Variants in VAV2 observed in about 807,000 individuals in gnomAD.
VAV2 encodes the protein vav guanine nucleotide exchange factor 2.
A neutral mutation model predicts 132.5 loss-of-function variants in VAV2; 67 were observed. The ratio of observed to expected loss-of-function variants is 0.51; its 90% CI spans 0.42 to 0.62. VAV2 has a LOEUF of 0.62. Among genes scored for constraint, VAV2 ranks in the 20% least tolerant of loss-of-function variants. The probability of loss-of-function intolerance (pLI) is 0.00; values close to 1 mark genes in which losing one functional copy is unlikely to be tolerated. For missense variants in VAV2, 938 were observed against 1,153.6 expected (o/e 0.81, Z 2.71); for synonymous variants, 492 against 443.5 (o/e 1.11, Z -1.37).
chr9:133,989,901 C>G (rs1007189401), intron 1 of VAV2, among the ~76,000 whole-genome samples: 1 of 152,264 alleles, frequency 6.6e-6, no homozygotes, highest in African/African-American at 2.4e-5. Context: ...GCCCACCCTC[C>G]ACGGGACAGA....
At chr9:133,972,537 C>T (rs1471254721) in intron 1 of VAV2, among the ~76,000 whole-genome samples, 1 of 152,220 alleles carries the variant, frequency 6.6e-6, no homozygotes, top group Non-Finnish European at 1.5e-5. Flanking sequence ...AGCCGAGGGG[C>T]GGCCCGCCTC....
Position 133,826,077 on chromosome 9 carries a change from G to A in VAV2, c.449+8195C>T, listed in dbSNP as rs1835976700. The stretch of plus-strand genomic sequence containing the variant: ...GAAAATCACTTCAACTCCCAGGAAA[G>A]TGAAACCAGTGTTATGCAAAGCAGG... On this transcript the variant is annotated intron_variant, in intron 4 of 29. Coordinates refer to ENST00000371850, the MANE Select transcript of VAV2 (RefSeq NM_001134398.2). This position sits in a 1 kb window ranked among gnomAD's most constrained non-coding sequence, Gnocchi z 4.2. Among the ~76,000 whole-genome samples the A allele has an allele frequency of 6.6e-6, 1 of 152,218 alleles. No individual in the cohort carries two copies. Among genetic ancestry groups the A allele is most frequent in the Admixed American group, 6.5e-5 (1 of 15,290 alleles).
chr9:133,941,883 C>T (rs1056444108), intron 1 of VAV2, among the ~76,000 whole-genome samples: 39 of 152,184 alleles, frequency 2.6e-4, no homozygotes, highest in Admixed American at 1.8e-3. Flanking sequence ...GGATTACAGG[C>T]GTGAGCCACC....
intron 1 of VAV2, among the ~76,000 whole-genome samples, chr9:133,963,505 C>T (rs897068103): frequency 1.3e-5 from 2 of 152,140 alleles, no homozygotes; most frequent in African/African-American, 2.4e-5. Context: ...CCAGTCGTGC[C>T]GACAGGCAGC....
chr9:133,935,128 G>C lies in VAV2; in HGVS notation c.321+3975C>G, dbSNP rs1840857961. ...CCCGTCCTGGGCAGGCCAAGGGTGG[G>C]AGGAACAGGGGGAGGGCACGCAGCC... On this transcript the variant is annotated intron_variant, in intron 2 of 29. Coordinates refer to ENST00000371850, the MANE Select transcript of VAV2 (RefSeq NM_001134398.2). The surrounding 1 kb of genome is among the most constrained non-coding windows in gnomAD (Gnocchi z 5.2). 6.6e-6 allele frequency among the ~76,000 whole-genome samples: 1 copy of C among 152,158 alleles called. No individual in the cohort carries two copies. The highest frequency in any genetic ancestry group is 2.4e-5 in the African/African-American group (1 of 41,438).
At chr9:133,942,227 T>C (rs1222181909) in intron 1 of VAV2, among the ~76,000 whole-genome samples, 1 of 152,182 alleles carries the variant, frequency 6.6e-6, no homozygotes, top group Non-Finnish European at 1.5e-5. Context: ...GCATGTGAGA[T>C]GGGCCCCTTT....
chr9:133,951,870 C>A (rs887874031), intron 1 of VAV2, among the ~76,000 whole-genome samples: 1 of 152,152 alleles, frequency 6.6e-6, no homozygotes, highest in African/African-American at 2.4e-5. Flanking sequence ...ACAGCAAAAT[C>A]CCACAGCCCG....
At chr9:133,967,273 T>G (rs1024904796) in intron 1 of VAV2, among the ~76,000 whole-genome samples, 1 of 152,040 alleles carries the variant, frequency 6.6e-6, no homozygotes, top group African/African-American at 2.4e-5. Flanking sequence ...CTGGCAAGGA[T>G]GTGGAGAAAG....
intron 2 of VAV2, among the ~76,000 whole-genome samples, chr9:133,937,143 T>A (rs1310598880): frequency 1.3e-5 from 2 of 152,216 alleles, no homozygotes; most frequent in Admixed American, 6.5e-5. Flanking sequence ...TATTTTTCTC[T>A]TTACAGTTAT....
At chr9:133,845,912 C>T (rs901508287) in intron 3 of VAV2, among the ~76,000 whole-genome samples, 4 of 152,164 alleles carry the variant, frequency 2.6e-5, no homozygotes, top group Non-Finnish European at 5.9e-5. Context: ...TCAGGAGTCC[C>T]AGGACAGCCT....
At position 133,804,759 on chromosome 9, in the gene VAV2, T is replaced by A. The variant is rs148035658; in HGVS notation, c.836+1322A>T. On this transcript the variant is annotated intron_variant, in intron 9 of 29. Transcript: ENST00000371850. The surrounding 1 kb of genome is among the most constrained non-coding windows in gnomAD (Gnocchi z 4.5). ...CGGGCACTATCAGCTCACCCACAGA[T>A]GAAGGGAACACCTTGCTGAGGGCAG... Among the ~76,000 whole-genome samples the A allele has an allele frequency of 4.3e-4, 66 of 152,278 alleles. No homozygotes were observed. Among genetic ancestry groups the A allele is most frequent in the African/African-American group, 1.5e-3 (61 of 41,550 alleles).
At chr9:133,893,048 G>A (rs1380577426) in intron 2 of VAV2, among the ~76,000 whole-genome samples, 1 of 152,198 alleles carries the variant, frequency 6.6e-6, no homozygotes, top group Admixed American at 6.5e-5. Flanking sequence ...CCTTAGACAC[G>A]CAGTAAGGCG....
intron 25 of VAV2, among the ~76,000 whole-genome samples, chr9:133,773,478 T>C (rs1398621373): frequency 6.6e-6 from 1 of 152,226 alleles, no homozygotes; most frequent in Non-Finnish European, 1.5e-5. Flanking sequence ...ACTACATTTA[T>C]TTTTAAAACA....
chr9:133,967,029 T>C (rs1842162803), intron 1 of VAV2, among the ~76,000 whole-genome samples: 1 of 114,592 alleles, frequency 8.7e-6, no homozygotes, highest in East Asian at 2.4e-4. Flanking sequence ...AGCAAGACTT[T>C]GTCTCAAAAA....
At chr9:133,850,831 T>G (rs1837138476) in intron 3 of VAV2, among the ~76,000 whole-genome samples, 1 of 152,206 alleles carries the variant, frequency 6.6e-6, no homozygotes, top group African/African-American at 2.4e-5. Context: ...AACAGAGGGT[T>G]CTCTCATCTT....
intron 3 of VAV2, among the ~76,000 whole-genome samples, chr9:133,844,629 G>T (rs1284646528): frequency 6.6e-6 from 1 of 152,216 alleles, no homozygotes; most frequent in Non-Finnish European, 1.5e-5. Flanking sequence ...TGCAGACACA[G>T]GACAGGGATC....
rs938014429 is a variant in VAV2, at chr9:133,919,814, C to T, written c.321+19289G>A. 6.6e-6 allele frequency among the ~76,000 whole-genome samples: 1 copy of T among 152,026 alleles called. No homozygotes were observed. The highest frequency in any genetic ancestry group is 2.4e-5 in the African/African-American group (1 of 41,334). ...GGAAGATGGAAGGTCCCCGCTGCCC[C>T]GACTGTCCCTGCCGCCCCGGCCACC... On this transcript the variant is annotated intron_variant, in intron 2 of 29. Coordinates refer to ENST00000371850, the MANE Select transcript of VAV2 (RefSeq NM_001134398.2). This position sits in a 1 kb window ranked among gnomAD's most constrained non-coding sequence, Gnocchi z 5.8.
chr9:133,897,669 G>A (rs891415604), intron 2 of VAV2, among the ~76,000 whole-genome samples: 2 of 152,156 alleles, frequency 1.3e-5, no homozygotes, highest in Non-Finnish European at 2.9e-5. Context: ...TCCATTTCCA[G>A]ATCGTCCATG....
At chr9:133,948,257 C>T (rs1224157976) in intron 1 of VAV2, among the ~76,000 whole-genome samples, 3 of 152,202 alleles carry the variant, frequency 2.0e-5, no homozygotes, top group Non-Finnish European at 4.4e-5. Context: ...TTCCTTCGCT[C>T]GGGCCCATTT....
Sources: allele counts gnomAD v4.1 joint callset (sites outside exome capture counted in the v4.1 genomes callset), GRCh38; gene constraint gnomAD v4.1.1; non-coding constraint Gnocchi (gnomAD v3.1); transcripts MANE v1.5; gene names NCBI Gene and HGNC (gene_info 2026-07-23, HGNC 2026-07-21).